SGCZ: variants seen among roughly 807,000 people sequenced by gnomAD.
The protein encoded by SGCZ is zeta-sarcoglycan.
Under a neutral mutation model 41.3 loss-of-function variants are expected in SGCZ, and 40 were observed. That is an observed-to-expected ratio of 0.97 (90% CI 0.75 to 1.26). SGCZ has a LOEUF of 1.26. SGCZ is among the 50% of genes most tolerant of loss of function. The pLI, the probability that SGCZ is intolerant of heterozygous loss-of-function variation, is 0.00. For missense variants in SGCZ, 552 were observed against 369.8 expected (o/e 1.49, Z -4.04); for synonymous variants, 206 against 137.5 (o/e 1.50, Z -3.49).
At chr8:15,055,646 A>G (rs1160255738) in intron 1 of SGCZ, among the ~76,000 whole-genome samples, 2 of 152,210 alleles carry the variant, frequency 1.3e-5, no homozygotes, top group Admixed American at 1.3e-4. Flanking sequence ...GACCATGTGG[A>G]TATCTCACTT....
At chr8:14,158,583 C>T (rs1803947433) in intron 5 of SGCZ, among the ~76,000 whole-genome samples, 2 of 152,096 alleles carry the variant, frequency 1.3e-5, no homozygotes, top group South Asian at 2.1e-4. Flanking sequence ...TTCACTATCA[C>T]AGTGGAGAAA....
At chr8:14,994,457 G>T (rs905987002) in intron 1 of SGCZ, among the ~76,000 whole-genome samples, 45 of 152,094 alleles carry the variant, frequency 3.0e-4, no homozygotes, top group African/African-American at 1.0e-3. Flanking sequence ...GGCAGCATGC[G>T]CCTGTAGTCC....
At chr8:15,142,614 A>G (rs1034351758) in intron 1 of SGCZ, among the ~76,000 whole-genome samples, 4 of 152,098 alleles carry the variant, frequency 2.6e-5, no homozygotes, top group East Asian at 3.9e-4. Context: ...TCAAGTAACA[A>G]TGATGACTTC....
chr8:15,114,897 C>A (rs1807209957), intron 1 of SGCZ, among the ~76,000 whole-genome samples: 1 of 151,872 alleles, frequency 6.6e-6, no homozygotes, highest in African/African-American at 2.4e-5. Context: ...TCTCAATAAA[C>A]CTCTGAAAAG....
chr8:15,185,743 A>G (rs1006337885), intron 1 of SGCZ, among the ~76,000 whole-genome samples: 4 of 152,152 alleles, frequency 2.6e-5, no homozygotes, highest in African/African-American at 9.7e-5. Flanking sequence ...CAGACTACAG[A>G]GTTATTTATG....
At chr8:14,461,823 C>T (rs538658324) in intron 2 of SGCZ, among the ~76,000 whole-genome samples, 4 of 152,140 alleles carry the variant, frequency 2.6e-5, no homozygotes, top group East Asian at 1.9e-4. Context: ...CATCACAAAA[C>T]GTAGTTGCTT....
chr8:15,163,906 C>G (rs1280663980), intron 1 of SGCZ, among the ~76,000 whole-genome samples: 2 of 152,192 alleles, frequency 1.3e-5, no homozygotes, highest in Admixed American at 1.3e-4. Flanking sequence ...CAGAGAAACT[C>G]CAGCCAGCCT....
chr8:14,266,616 C>T (rs564361973), intron 3 of SGCZ, among the ~76,000 whole-genome samples: 6 of 152,094 alleles, frequency 3.9e-5, no homozygotes, highest in African/African-American at 1.4e-4. Flanking sequence ...CATAAGATCA[C>T]GATGTGAAAA....
chr8:14,146,955 GAAA>G (rs75899034), intron 5 of SGCZ, among the ~76,000 whole-genome samples: 3 of 146,354 alleles, frequency 2.0e-5, no homozygotes, highest in East Asian at 2.0e-4. Flanking sequence ...GGAATAAACA[GAAA>G]AAAAAAACCC....
At chr8:15,157,966 G>A (rs1350851388) in intron 1 of SGCZ, among the ~76,000 whole-genome samples, 2 of 152,142 alleles carry the variant, frequency 1.3e-5, no homozygotes, top group Non-Finnish European at 2.9e-5. Context: ...CTCTTGCCCA[G>A]TGACTGGCAG....
chr8:14,142,046 A>G (rs1803386605), intron 5 of SGCZ, among the ~76,000 whole-genome samples: 1 of 152,134 alleles, frequency 6.6e-6, no homozygotes, highest in Admixed American at 6.6e-5. Context: ...AAACCATCAT[A>G]CTGAGCAAAC....
At chr8:14,430,133 C>T (rs1799900895) in intron 2 of SGCZ, among the ~76,000 whole-genome samples, 1 of 148,242 alleles carries the variant, frequency 6.7e-6, no homozygotes, top group Non-Finnish European at 1.5e-5. Flanking sequence ...GAATTGATAT[C>T]AATTCCATTG....
At chr8:14,919,780 T>C (rs546365885) in intron 1 of SGCZ, among the ~76,000 whole-genome samples, 1 of 152,070 alleles carries the variant, frequency 6.6e-6, no homozygotes, top group South Asian at 2.1e-4. Context: ...TAGCCAGGCA[T>C]GGTGGTGCAC....
chr8:14,791,013 A>G (rs1464292009), intron 1 of SGCZ, among the ~76,000 whole-genome samples: 1 of 150,974 alleles, frequency 6.6e-6, no homozygotes, highest in Non-Finnish European at 1.5e-5. Context: ...CCTGGGCAAC[A>G]GAGTGAGACT....
intron 1 of SGCZ, among the ~76,000 whole-genome samples, chr8:15,032,215 C>T (rs1803699754): frequency 6.6e-6 from 1 of 152,020 alleles, no homozygotes; most frequent in Non-Finnish European, 1.5e-5. Flanking sequence ...TATAACTATC[C>T]ATACACAAAA....
chr8:14,837,296 C>T lies in SGCZ; in HGVS notation c.40-282370G>A, dbSNP rs139732003. ...ACAAAGATCACAATGAAGAAATGATCCATGAAAAGGTCTGAGAAAGGTGTA... is the reference window on the plus strand; with the variant it reads ...ACAAAGATCACAATGAAGAAATGATTCATGAAAAGGTCTGAGAAAGGTGTA... On this transcript the variant is annotated intron_variant, in intron 1 of 7. Transcript: ENST00000382080. Among the ~76,000 whole-genome samples, 948 of 152,226 alleles carry T rather than the reference C, an allele frequency of 6.2e-3. 11 individuals are homozygous for T. The highest frequency in any genetic ancestry group is 0.021 in the African/African-American group (889 of 41,540).
At chr8:14,240,567 G>C (rs1420510112) in intron 3 of SGCZ, among the ~76,000 whole-genome samples, 1 of 151,552 alleles carries the variant, frequency 6.6e-6, no homozygotes, top group African/African-American at 2.4e-5. Flanking sequence ...TTACTTAGTA[G>C]AACCATAAAC....
intron 2 of SGCZ, among the ~76,000 whole-genome samples, chr8:14,448,604 T>C (rs1351412405): frequency 6.6e-6 from 1 of 152,214 alleles, no homozygotes; most frequent in Non-Finnish European, 1.5e-5. Flanking sequence ...ACTATTAATA[T>C]GAATGAGGTA....
intron 1 of SGCZ, among the ~76,000 whole-genome samples, chr8:15,050,665 G>A (rs1310757566): frequency 1.3e-5 from 2 of 152,156 alleles, no homozygotes; most frequent in Non-Finnish European, 2.9e-5. Context: ...GAGAACTTCA[G>A]TGGAGCATTG....
Sources: gnomAD v4.1 joint callset for allele counts (sites outside exome capture counted in the v4.1 genomes callset) on GRCh38, gnomAD v4.1.1 for gene constraint, MANE v1.5 for transcripts, NCBI Gene and HGNC (gene_info 2026-07-23, HGNC 2026-07-21) for gene names.